Variants in PCDHA6 observed in about 807,000 individuals in gnomAD.
PCDHA6 encodes protocadherin alpha 6, also known as protocadherin alpha-6.
PCDHA6 carries 55 observed loss-of-function variants against 60.3 expected under a neutral mutation model. The ratio of observed to expected loss-of-function variants is 0.91; its 90% CI spans 0.73 to 1.14. The LOEUF (loss-of-function observed/expected upper bound fraction) is 1.14. Among genes scored for constraint, PCDHA6 ranks in the 50% most tolerant of loss-of-function variants. The probability of loss-of-function intolerance (pLI) is 0.00; values close to 1 mark genes in which losing one functional copy is unlikely to be tolerated. For synonymous variants in PCDHA6, 652 were observed against 557.9 expected (o/e 1.17, Z -2.38); for missense variants, 1,327 against 1,256.5 (o/e 1.06, Z -0.85).
At chr5:140,872,418 A>G (rs2053650259) in intron 1 of PCDHA6, among the ~76,000 whole-genome samples, 2 of 152,014 alleles carry the variant, frequency 1.3e-5, no homozygotes, top group East Asian at 3.9e-4. Flanking sequence ...CTTGAGCCCA[A>G]GAGTTCGAGG....
chr5:140,846,829 T>C (rs1554141506), intron 1 of PCDHA6, among the ~76,000 whole-genome samples: 1 of 149,526 alleles, frequency 6.7e-6, no homozygotes, highest in African/African-American at 2.5e-5. Flanking sequence ...AAATAAAGAA[T>C]ATGAGTCACA....
intron 1 of PCDHA6, among the ~76,000 whole-genome samples, chr5:140,899,690 C>T (rs1340913543): frequency 6.6e-6 from 1 of 152,156 alleles, no homozygotes; most frequent in Non-Finnish European, 1.5e-5. Flanking sequence ...TGATGCTGGC[C>T]TCATAAAATG....
At chr5:140,924,550 C>T (rs2081897316) in intron 1 of PCDHA6, among the ~76,000 whole-genome samples, 1 of 152,096 alleles carries the variant, frequency 6.6e-6, no homozygotes, top group Non-Finnish European at 1.5e-5. Context: ...CTCTCCCCAC[C>T]ATTTTAATCA....
chr5:140,926,762 C>A (rs1186997274), intron 1 of PCDHA6: 5 of 1,326,554 alleles, frequency 3.8e-6, no homozygotes, highest in East Asian at 2.8e-5. Context: ...CGCTGAGTAT[C>A]CAGCCCGCAG....
At chr5:140,985,062 T>C (rs2097134097) in intron 3 of PCDHA6, among the ~76,000 whole-genome samples, 1 of 152,058 alleles carries the variant, frequency 6.6e-6, no homozygotes, top group African/African-American at 2.4e-5. Flanking sequence ...CTCAGCCTCC[T>C]GAGTAGCTGA....
At chr5:140,967,936 T>G in intron 1 of PCDHA6, 1 of 1,614,226 alleles carries the variant, frequency 6.2e-7, no homozygotes, top group Non-Finnish European at 8.5e-7. Flanking sequence ...TCAGTGTCAA[T>G]GACCAAGACT....
At chr5:140,919,876 G>A (rs2079336654) in intron 1 of PCDHA6, among the ~76,000 whole-genome samples, 1 of 152,174 alleles carries the variant, frequency 6.6e-6, no homozygotes, top group Non-Finnish European at 1.5e-5. Flanking sequence ...AGTCTTTGAA[G>A]ACATAATTAT....
Position 140,829,666 on chromosome 5 carries a change from C to G in PCDHA6, c.1575C>G (p.His525Gln). Residue 525 changes from histidine (H) to glutamine (Q), a missense_variant, in exon 1 of 4, where the codon CAC becomes CAG. Coordinates refer to ENST00000529310, the MANE Select transcript of PCDHA6 (RefSeq NM_018909.4). ...GKVYALQPLD[H>Q]EELELLQFQV... ...TGTACGCGCTGCAGCCGCTGGACCA[C>G]GAGGAGCTAGAGCTGCTGCAGTTTC... 6.2e-7 allele frequency: 1 copy of G among 1,612,840 alleles called. No individual in the cohort carries two copies. Among genetic ancestry groups the G allele is most frequent in the Non-Finnish European group, 8.5e-7 (1 of 1,179,830 alleles).
intron 1 of PCDHA6, chr5:140,857,530 G>T (rs1554150174): frequency 2.5e-6 from 4 of 1,597,696 alleles, no homozygotes; most frequent in Non-Finnish European, 3.4e-6. Flanking sequence ...ACTCTCTGGT[G>T]GAGCGGCGGT....
intron 3 of PCDHA6, among the ~76,000 whole-genome samples, chr5:140,999,060 G>A (rs1199782818): frequency 1.3e-5 from 2 of 152,210 alleles, no homozygotes; most frequent in East Asian, 1.9e-4. Context: ...CCATGCCTAA[G>A]TAGTCTCCTT....
At chr5:140,992,820 TG>T (rs1554253214) in intron 3 of PCDHA6, among the ~76,000 whole-genome samples, 1 of 152,164 alleles carries the variant, frequency 6.6e-6, no homozygotes, top group Non-Finnish European at 1.5e-5. Flanking sequence ...AGGATGTGTT[TG>T]TTTTTTGGGA....
At chr5:140,850,013 C>G in intron 1 of PCDHA6, 1 of 1,597,018 alleles carries the variant, frequency 6.3e-7, no homozygotes, top group Non-Finnish European at 8.6e-7. Flanking sequence ...CGCTGTCGAG[C>G]TACGTGTCAG....
intron 1 of PCDHA6, chr5:140,841,300 T>C (rs1305687765): frequency 9.6e-6 from 15 of 1,568,478 alleles, no homozygotes; most frequent in African/African-American, 4.1e-5. Flanking sequence ...TAATATTTTC[T>C]GATAGGAAAC....
intron 1 of PCDHA6, chr5:140,966,994 C>T: frequency 6.2e-7 from 1 of 1,604,620 alleles, no homozygotes; most frequent in Non-Finnish European, 8.5e-7. Context: ...GGCCGGGTTG[C>T]TTGCGCATCA....
At chr5:140,854,858 T>C (rs2043245736) in intron 1 of PCDHA6, among the ~76,000 whole-genome samples, 1 of 149,904 alleles carries the variant, frequency 6.7e-6, no homozygotes. Flanking sequence ...AATTACTAGA[T>C]ATATTTCAGA....
intron 1 of PCDHA6, among the ~76,000 whole-genome samples, chr5:140,941,202 CCTTTCTTTCTTCCTTTCTTT>C (rs1442425625): frequency 7.3e-5 from 9 of 122,742 alleles, no homozygotes; most frequent in Non-Finnish European, 1.3e-4. Context: ...TTTCTTTCTT[CCTTTCTTTCTTCCTTTCTTT>C]CTTTCTTTCT....
chr5:140,845,110 T>C (rs1779704552), intron 1 of PCDHA6, among the ~76,000 whole-genome samples: 1 of 149,836 alleles, frequency 6.7e-6, no homozygotes, highest in East Asian at 1.9e-4. Flanking sequence ...TTAATGCCTG[T>C]CCATGTTTAG....
chr5:140,836,216 G>C lies in PCDHA6; in HGVS notation c.2394+5731G>C, dbSNP rs1311247537. On this transcript the variant is annotated intron_variant, in intron 1 of 3. Coordinates refer to ENST00000529310, the MANE Select transcript of PCDHA6 (RefSeq NM_018909.4). The stretch of plus-strand genomic sequence containing the variant: ...ACAACGCGTGGCTTTCGTATGAGTT[G>C]CAACCGGTGGCGGCCGGTGCGAGCA... The C allele has an allele frequency of 1.2e-6, 2 of 1,613,724 alleles. No individual in the cohort carries two copies. Among genetic ancestry groups the C allele is most frequent in the East Asian group, 4.5e-5 (2 of 44,868 alleles).
Position 140,868,882 on chromosome 5 carries a change from T to A in PCDHA6, c.2394+38397T>A. On this transcript the variant is annotated intron_variant, in intron 1 of 3. Transcript: ENST00000529310. Reference sequence around the variant, plus strand: ...TAAATGCAGTGCACAGTACTCACAGTTTTAGGCGCAAGGTGTCGCTCTTTA... The same window carrying A: ...TAAATGCAGTGCACAGTACTCACAGATTTAGGCGCAAGGTGTCGCTCTTTA... 4 of 715,192 alleles carry A rather than the reference T, an allele frequency of 5.6e-6. No homozygotes were observed. In the South Asian group the frequency reaches 8.5e-5, roughly 15 times the overall value. 44.3% of individuals were successfully genotyped at this position (715,192 alleles called of 1,614,324 possible).
Sources: allele counts gnomAD v4.1 joint callset (sites outside exome capture counted in the v4.1 genomes callset), GRCh38; gene constraint gnomAD v4.1.1; transcripts MANE v1.5; gene names NCBI Gene and HGNC (gene_info 2026-07-23, HGNC 2026-07-21).